Variants in FMR1NB observed in about 807,000 individuals in gnomAD.
FMR1NB encodes the protein FMR1 neighbor protein.
In FMR1NB, 10 loss-of-function variants were observed where a neutral mutation model predicts 16.8. The ratio of observed to expected loss-of-function variants is 0.60; its 90% CI spans 0.37 to 1.01. The LOEUF (loss-of-function observed/expected upper bound fraction) is 1.01. Among genes scored for constraint, FMR1NB ranks in the 50% least tolerant of loss-of-function variants. FMR1NB has a pLI of 0.01. For synonymous variants in FMR1NB, 83 were observed against 79.1 expected (o/e 1.05, Z -0.26); for missense variants, 205 against 204.8 (o/e 1.00, Z 0.00).
At chrX:148,009,259 T>C (rs1401768005) in intron 4 of FMR1NB, among the ~76,000 whole-genome samples, 1 of 111,513 alleles carries the variant, frequency 9.0e-6, no homozygotes, top group Non-Finnish European at 1.9e-5. Flanking sequence ...CATTCCCTTA[T>C]GAAACAAACC....
chrX:148,003,463 C>A, intron 2 of FMR1NB, 143 bp downstream of exon 2: 2 of 588,411 alleles, frequency 3.4e-6, no homozygotes, highest in Non-Finnish European at 5.1e-6. Flanking sequence ...TTGGCTTAGG[C>A]AAGACAATCT....
intron 4 of FMR1NB, 39 bp downstream of exon 4, chrX:148,008,750 A>G: frequency 9.2e-7 from 1 of 1,086,600 alleles, no homozygotes; most frequent in Admixed American, 2.2e-5. Flanking sequence ...GTTGCTAAGT[A>G]TACATGAGTA....
chrX:147,993,862 C>T (rs1038621584), intron 1 of FMR1NB, among the ~76,000 whole-genome samples: 2 of 111,024 alleles, frequency 1.8e-5, no homozygotes, highest in Non-Finnish European at 3.8e-5. Flanking sequence ...TTCTTCCTTC[C>T]ACTTAATGGT....
intron 1 of FMR1NB, among the ~76,000 whole-genome samples, chrX:147,990,811 T>A (rs923370360): frequency 6.3e-5 from 7 of 110,409 alleles, no homozygotes; most frequent in African/African-American, 2.3e-4. Flanking sequence ...CTCTCATAGG[T>A]GACTTTCCTC....
At chrX:148,017,221 G>T (rs1307470587) in intron 4 of FMR1NB, among the ~76,000 whole-genome samples, 1 of 111,090 alleles carries the variant, frequency 9.0e-6, no homozygotes, top group Non-Finnish European at 1.9e-5. Flanking sequence ...GTTTCTGCTG[G>T]TAACTCTGCT....
intron 1 of FMR1NB, among the ~76,000 whole-genome samples, chrX:147,996,862 CAT>C (rs1557188205): frequency 5.4e-5 from 6 of 111,966 alleles, no homozygotes; most frequent in African/African-American, 1.9e-4. Context: ...GACAAGGAAA[CAT>C]AATTCGTTCT....
chrX:148,020,366 T>C (rs1235767836), intron 4 of FMR1NB, among the ~76,000 whole-genome samples: 1 of 111,922 alleles, frequency 8.9e-6, no homozygotes, highest in African/African-American at 3.3e-5. Flanking sequence ...TTGGGTACAC[T>C]AAAAGCCCAC....
At chrX:148,021,583 T>A (rs186931891) in intron 4 of FMR1NB, among the ~76,000 whole-genome samples, 1 of 110,628 alleles carries the variant, frequency 9.0e-6, no homozygotes, top group East Asian at 2.9e-4. Context: ...TCTTCAATGA[T>A]GTATGTTTTT....
chrX:147,982,260 A>T (rs1161720011), intron 1 of FMR1NB, among the ~76,000 whole-genome samples: 2 of 107,247 alleles, frequency 1.9e-5, no homozygotes, highest in Admixed American at 1.0e-4. Context: ...ACTGCACTCC[A>T]GCCTGGTGAG....
At chrX:147,997,738 CA>C (rs1259975948) in intron 1 of FMR1NB, among the ~76,000 whole-genome samples, 2 of 110,748 alleles carry the variant, frequency 1.8e-5, no homozygotes, top group African/African-American at 6.6e-5. Context: ...CCAGAATCTA[CA>C]AGGAGCTTAA....
At chrX:148,006,608 T>G in intron 2 of FMR1NB, 94 bp from the exon 3 acceptor site, 1 of 980,353 alleles carries the variant, frequency 1.0e-6, no homozygotes, top group South Asian at 2.4e-5. Flanking sequence ...ATTAAATGTT[T>G]GCTTTTCTTC....
chrX:148,026,502 C>T lies in FMR1NB; in HGVS notation c.*14C>T, dbSNP rs1189835132. The T allele has an allele frequency of 9.0e-6, 1 of 111,475 alleles. No individual in the cohort carries two copies. Among genetic ancestry groups the T allele is most frequent in the Non-Finnish European group, 1.9e-5 (1 of 53,021 alleles). The allele number at this position is 111,475 out of a possible 1,213,427, so 9.2% of individuals were successfully genotyped here. A position where few individuals can be genotyped will look rare whatever the true frequency, so the allele number is the denominator to read the frequency against. ...ACCCTACTTTACTTTTCTCCCATAG[C>T]ATTATTTTCCCCTCAAGACAACAGA... On this transcript the variant is annotated splice_region_variant and 3_prime_UTR_variant, in exon 6 of 6. Coordinates refer to ENST00000370467, the MANE Select transcript of FMR1NB (RefSeq NM_152578.3).
intron 1 of FMR1NB, among the ~76,000 whole-genome samples, chrX:148,000,519 C>T (rs1007628875): frequency 8.9e-6 from 1 of 112,047 alleles, no homozygotes; most frequent in African/African-American, 3.2e-5. Context: ...AAAACATTAG[C>T]ACTTGTGGAC....
intron 1 of FMR1NB, among the ~76,000 whole-genome samples, chrX:147,993,771 C>T (rs939321592): frequency 9.1e-6 from 1 of 110,074 alleles, no homozygotes; most frequent in Admixed American, 9.7e-5. Context: ...TTTCAGCTCT[C>T]CAAAAGTTCT....
chrX:148,024,468 A>G (rs2044693733), intron 4 of FMR1NB, among the ~76,000 whole-genome samples: 1 of 111,897 alleles, frequency 8.9e-6, no homozygotes, highest in Non-Finnish European at 1.9e-5. Flanking sequence ...TGCTAATACA[A>G]TGTGAGCCAT....
At chrX:148,023,450 T>G (rs782428755) in intron 4 of FMR1NB, among the ~76,000 whole-genome samples, 1 of 111,274 alleles carries the variant, frequency 9.0e-6, no homozygotes, top group Non-Finnish European at 1.9e-5. Context: ...AAAGTTAGTA[T>G]TATTTATCTT....
intron 4 of FMR1NB, among the ~76,000 whole-genome samples, chrX:148,014,535 A>G (rs1405425902): frequency 8.9e-6 from 1 of 112,546 alleles, no homozygotes; most frequent in East Asian, 2.8e-4. Flanking sequence ...AGGAACACAC[A>G]TAGTCTGTGT....
chrX:147,981,439 A>G lies in FMR1NB; in HGVS notation c.37A>G (p.Arg13Gly), dbSNP rs1557186483. The G allele has an allele frequency of 8.3e-7, 1 of 1,211,476 alleles. No homozygotes were observed. The highest frequency in any genetic ancestry group is 1.1e-6 in the Non-Finnish European group (1 of 895,367). ...TAGGAGGAAAGCGAAGGGGAGGAATAGGAGAAGTCACCGTGCCATGCGTGT... is the reference window on the plus strand; with the variant it reads ...TAGGAGGAAAGCGAAGGGGAGGAATGGGAGAAGTCACCGTGCCATGCGTGT... The part of the protein sequence containing the change: ...SHRRKAKGRN[R>G]RSHRAMRVAH... Residue 13 changes from arginine (R) to glycine (G), a missense_variant, in exon 1 of 6, where the codon AGG (arginine) becomes GGG (glycine). Arg to Gly is a moderately radical substitution (Grantham distance 125, BLOSUM62 -2). Coordinates refer to ENST00000370467, the MANE Select transcript of FMR1NB (RefSeq NM_152578.3).
chrX:147,993,709 C>T (rs2044526868), intron 1 of FMR1NB, among the ~76,000 whole-genome samples: 1 of 109,571 alleles, frequency 9.1e-6, no homozygotes, highest in Admixed American at 9.8e-5. Flanking sequence ...CTTCTCTTAC[C>T]TCTTTATTTA....
Sources: allele counts gnomAD v4.1 joint callset (sites outside exome capture counted in the v4.1 genomes callset), GRCh38; gene constraint gnomAD v4.1.1; transcripts MANE v1.5; gene names NCBI Gene and HGNC (gene_info 2026-07-23, HGNC 2026-07-21).